The following NAALADL2 variants were observed in gnomAD, a reference collection of about 807,000 sequenced individuals.
NAALADL2 encodes N-acetylated alpha-linked acidic dipeptidase like 2.
In NAALADL2, 76 loss-of-function variants were observed where a neutral mutation model predicts 87.2. The observed-to-expected ratio is 0.87, with a 90% CI of 0.72 to 1.05. The LOEUF is 1.05. Among genes scored for constraint, NAALADL2 ranks in the 50% least tolerant of loss-of-function variants. The probability of loss-of-function intolerance (pLI) is 0.00; values close to 1 mark genes in which losing one functional copy is unlikely to be tolerated. For synonymous variants in NAALADL2, 354 were observed against 331.0 expected, an observed-to-expected ratio of 1.07 and a Z score of -0.75; for missense variants, 1,089 against 945.8, an observed-to-expected ratio of 1.15 and a Z score of -1.99.
At chr3:175,608,249 A>AT (rs2149664435) in intron 10 of NAALADL2, among the ~76,000 whole-genome samples, 1 of 148,782 alleles carries the variant, frequency 6.7e-6, no homozygotes, top group South Asian at 2.3e-4. Context: ...AATACTTTCC[A>AT]TTTTCAGATT....
At chr3:174,658,507 G>A (rs9637467) in intron 2 of NAALADL2, among the ~76,000 whole-genome samples, 11,851 of 151,964 alleles carry the variant, frequency 0.078, 671 homozygotes, top group South Asian at 0.27. Flanking sequence ...TGTATATTTT[G>A]TGTAAGTATT....
At chr3:174,515,445 T>C (rs1719884641) in intron 1 of NAALADL2, among the ~76,000 whole-genome samples, 1 of 152,044 alleles carries the variant, frequency 6.6e-6, no homozygotes, top group South Asian at 2.1e-4. Flanking sequence ...GTTGGGCAAA[T>C]GGTAACTGCT....
chr3:174,625,294 G>T (rs910406761), intron 2 of NAALADL2, among the ~76,000 whole-genome samples: 1 of 152,022 alleles, frequency 6.6e-6, no homozygotes, highest in Non-Finnish European at 1.5e-5. Context: ...CTGTGCTCAA[G>T]TGATCTGCCA....
chr3:175,788,088 GT>G (rs1004422588), intron 13 of NAALADL2, among the ~76,000 whole-genome samples: 24,406 of 104,124 alleles, frequency 0.23, 1,574 homozygotes, highest in African/African-American at 0.32. Flanking sequence ...TTTTTTACCT[GT>G]TTTTTTTTTT....
At chr3:175,721,217 A>C (rs560566995) in intron 11 of NAALADL2, among the ~76,000 whole-genome samples, 121 of 152,202 alleles carry the variant, frequency 7.9e-4, no homozygotes, top group South Asian at 7.9e-3. Context: ...CCAACCTAAT[A>C]AACGAAAAGT....
At chr3:174,652,818 T>C (rs1489794716) in intron 2 of NAALADL2, among the ~76,000 whole-genome samples, 1 of 152,090 alleles carries the variant, frequency 6.6e-6, no homozygotes, top group Non-Finnish European at 1.5e-5. Flanking sequence ...ATATTTATAA[T>C]ACAGATTTCA....
intron 2 of NAALADL2, among the ~76,000 whole-genome samples, chr3:174,570,940 T>C (rs1049158285): frequency 6.6e-6 from 1 of 152,236 alleles, no homozygotes; most frequent in African/African-American, 2.4e-5. Flanking sequence ...TAATCAATGC[T>C]TACTTATAAT....
rs772447340 is a variant in NAALADL2, at chr3:174,794,981, C to CTTTTTTTTTTTTTTTTTTTTTTTTTTTTT, written c.-9+57262_-9+57263insTTTTTTTTTTTTTTTTTTTTTTTTTTTTT. On this transcript the variant is annotated intron_variant, in intron 3 of 3. Coordinates refer to the NAALADL2 transcript ENST00000434257. ...TTAAAAGTTGAAACTTCTAGTCCAG[C>CTTTTTTTTTTTTTTTTTTTTTTTTTTTTT]TTTTTTTTTTTTTTTTTTTTTTTTT... Among the ~76,000 whole-genome samples, 4 of 66,696 alleles carry CTTTTTTTTTTTTTTTTTTTTTTTTTTTTT rather than the reference C, an allele frequency of 6.0e-5. 1 individual carries two copies. The highest frequency in any genetic ancestry group is 1.1e-4 in the Non-Finnish European group (4 of 36,338). The allele number at this position is 66,696 out of a possible 152,430, so 43.8% of individuals were successfully genotyped here.
intron 5 of NAALADL2, among the ~76,000 whole-genome samples, chr3:175,420,242 C>G (rs1715456320): frequency 6.6e-6 from 1 of 151,938 alleles, no homozygotes; most frequent in Admixed American, 6.6e-5. Context: ...ATGTTTTAGC[C>G]TGATTACTAT....
intron 3 of NAALADL2, among the ~76,000 whole-genome samples, chr3:175,250,290 G>C (rs867512468): frequency 7.2e-6 from 1 of 138,120 alleles, no homozygotes; most frequent in African/African-American, 2.7e-5. Flanking sequence ...TGTGTGTGTG[G>C]TGTGTTTGTC....
chr3:175,367,985 T>C (rs1765871622), intron 5 of NAALADL2, among the ~76,000 whole-genome samples: 1 of 152,184 alleles, frequency 6.6e-6, no homozygotes, highest in Non-Finnish European at 1.5e-5. Flanking sequence ...TGATATTGGC[T>C]GTGGGTTTGT....
intron 1 of NAALADL2, among the ~76,000 whole-genome samples, chr3:174,882,478 C>CATATGTGCATATACATATATGTGTATGT (rs1553882176): frequency 3.8e-4 from 57 of 149,324 alleles, no homozygotes; most frequent in African/African-American, 1.4e-3. Context: ...TATGTGTATG[C>CATATGTGCATATACATATATGTGTATGT]ATACATATGT....
intron 1 of NAALADL2, among the ~76,000 whole-genome samples, chr3:175,056,746 C>T (rs1484257759): frequency 2.6e-5 from 4 of 152,050 alleles, no homozygotes; most frequent in South Asian, 2.1e-4. Context: ...AGAGATGGGC[C>T]GAAATAAAGG....
intron 1 of NAALADL2, among the ~76,000 whole-genome samples, chr3:175,080,493 C>T (rs932123356): frequency 6.6e-6 from 1 of 152,176 alleles, no homozygotes; most frequent in Non-Finnish European, 1.5e-5. Flanking sequence ...GAATTATCTA[C>T]TCTCCCAGAG....
intron 11 of NAALADL2, among the ~76,000 whole-genome samples, chr3:175,658,905 A>G (rs1731875099): frequency 1.3e-5 from 2 of 152,068 alleles, no homozygotes; most frequent in South Asian, 4.1e-4. Context: ...CTACTTCTCC[A>G]AAGATACTAG....
intron 5 of NAALADL2, among the ~76,000 whole-genome samples, chr3:175,435,137 A>T (rs1341714161): frequency 6.6e-6 from 1 of 152,024 alleles, no homozygotes; most frequent in African/African-American, 2.4e-5. Flanking sequence ...TATAAATCTT[A>T]ATTTTCACTG....
intron 1 of NAALADL2, among the ~76,000 whole-genome samples, chr3:174,947,983 C>T (rs1332256647): frequency 1.3e-5 from 2 of 151,970 alleles, no homozygotes; most frequent in African/African-American, 4.8e-5. Flanking sequence ...CTATTTTTAA[C>T]ATTTTATATA....
In NAALADL2 at chr3:175,695,773, A is replaced by G. The variant is rs373882882; in HGVS notation, c.1897-41533A>G. On this transcript the variant is annotated intron_variant, in intron 11 of 13. Transcript: ENST00000454872. ...TTTTGGAGAATATCCTCTGAGGAAT[A>G]AACAACTATATGTTTCAAATTTGTA... Among the ~76,000 whole-genome samples the G allele has an allele frequency of 2.0e-4, 30 of 152,292 alleles. 1 individual carries two copies. The East Asian group carries it at 3.9e-3, about 20-fold the overall frequency.
At chr3:175,481,165 A>G (rs1726404030) in intron 9 of NAALADL2, among the ~76,000 whole-genome samples, 1 of 151,960 alleles carries the variant, frequency 6.6e-6, no homozygotes, top group African/African-American at 2.4e-5. Context: ...ATGGGAATTC[A>G]TTGTAATATA....
Sources: gnomAD v4.1 joint callset for allele counts (sites outside exome capture counted in the v4.1 genomes callset) on GRCh38, gnomAD v4.1.1 for gene constraint, MANE v1.5 for transcripts, NCBI Gene and HGNC (gene_info 2026-07-23, HGNC 2026-07-21) for gene names.